API5: variants seen among roughly 807,000 people sequenced by gnomAD.
API5 encodes the protein FIF.
API5 carries 6 observed loss-of-function variants against 71.9 expected under a neutral mutation model. The observed-to-expected ratio is 0.08, with a 90% confidence interval of 0.05 to 0.16. API5 has a LOEUF of 0.16. API5 is among the 10% of genes least tolerant of loss of function. The probability of loss-of-function intolerance (pLI) is 1.00; values close to 1 mark genes in which losing one functional copy is unlikely to be tolerated. For missense variants in API5, 332 were observed against 612.8 expected (o/e 0.54, Z 4.84); for synonymous variants, 189 against 221.3 (o/e 0.85, Z 1.30).
chr11:43,342,518 A>G lies in API5; in HGVS notation c.*8A>G, dbSNP rs2134393416. The G allele has an allele frequency of 6.2e-7, 1 of 1,613,436 alleles. No homozygotes were observed. The highest frequency in any genetic ancestry group is 8.5e-7 in the Non-Finnish European group (1 of 1,179,422). ...CGGGGAAGACTCTACTGAATAAGAC[A>G]TCAGCATTCTTCAGCATTGTCATGA... is the stretch of plus-strand genomic sequence containing the variant. On this transcript the variant is annotated 3_prime_UTR_variant, in exon 14 of 14. Coordinates refer to ENST00000531273, the MANE Select transcript of API5 (RefSeq NM_001142930.2).
At chr11:43,340,109 AG>A (rs1855564021) in intron 13 of API5, 1 of 195,980 alleles carries the variant, frequency 5.1e-6, no homozygotes, top group Non-Finnish European at 1.1e-5. Context: ...ATACAAAATT[AG>A]TATACAAAAA....
At chr11:43,335,079 T>TTTG (rs1214654412) in intron 11 of API5, among the ~76,000 whole-genome samples, 199 bp from the exon 12 acceptor site, 1 of 152,150 alleles carries the variant, frequency 6.6e-6, no homozygotes, top group Non-Finnish European at 1.5e-5. Context: ...TACACTACAG[T>TTTG]TTGTTATGTG....
intron 2 of API5, 161 bp downstream of exon 2, chr11:43,318,962 G>A: frequency 5.0e-6 from 3 of 597,602 alleles, no homozygotes; most frequent in Non-Finnish European, 8.2e-6. Context: ...ATGATAAAGT[G>A]TATTAGCCTT....
intron 7 of API5, 32 bp downstream of exon 7, chr11:43,326,643 A>C: frequency 8.4e-7 from 1 of 1,183,652 alleles, no homozygotes; most frequent in Non-Finnish European, 1.2e-6. Context: ...AGCACTGATA[A>C]GGCATTCTTA....
intron 13 of API5, among the ~76,000 whole-genome samples, chr11:43,342,104 C>T (rs956493623): frequency 6.6e-6 from 1 of 152,104 alleles, no homozygotes; most frequent in Non-Finnish European, 1.5e-5. Context: ...GTGAACGCAC[C>T]ACTGCACTCC....
intron 11 of API5, among the ~76,000 whole-genome samples, chr11:43,334,431 T>C (rs1855361326): frequency 6.6e-6 from 1 of 152,166 alleles, no homozygotes; most frequent in African/African-American, 2.4e-5. Context: ...CAAAGCATGT[T>C]GCATTGGCCA....
chr11:43,328,671 T>G, intron 8 of API5, 41 bp from the exon 9 acceptor site: 9 of 1,548,890 alleles, frequency 5.8e-6, no homozygotes, highest in Non-Finnish European at 8.0e-6. Flanking sequence ...AATTTGAATA[T>G]GTAGAACAGA....
At chr11:43,320,767 T>G in intron 2 of API5, 54 bp from the exon 3 acceptor site, 3 of 1,354,790 alleles carry the variant, frequency 2.2e-6, no homozygotes, top group Non-Finnish European at 3.1e-6. Flanking sequence ...AAAAGCTGTT[T>G]GTTATTTTAA....
chr11:43,318,705 A>T lies in API5; in HGVS notation c.135A>T (p.Ala45=). The T allele has an allele frequency of 6.2e-7, 1 of 1,613,754 alleles. No homozygotes were observed. Among genetic ancestry groups the T allele is most frequent in the East Asian group, 2.2e-5 (1 of 44,866 alleles). The stretch of plus-strand genomic sequence containing the variant: ...GTGGTACTAAGGAAAAGCGATTAGC[A>T]GCTCAATTTATTCCGAAATTCTTTA... ...VKGGTKEKRL[A]AQFIPKFFKH... The change falls in exon 2 of 14, where the codon GCA becomes GCT. Residue 45 remains alanine, a synonymous_variant. Coordinates refer to ENST00000531273, the MANE Select transcript of API5 (RefSeq NM_001142930.2).
At chr11:43,328,990 T>G in intron 9 of API5, 97 bp downstream of exon 9, 1 of 1,233,790 alleles carries the variant, frequency 8.1e-7, no homozygotes, top group Non-Finnish European at 1.2e-6. Context: ...CTCCCCATCC[T>G]GCCTTACCCC....
chr11:43,330,207 TC>T, intron 10 of API5, 149 bp downstream of exon 10: 1 of 678,598 alleles, frequency 1.5e-6, no homozygotes, highest in Non-Finnish European at 2.5e-6. Context: ...TTTATTATGT[TC>T]CTATAACTTA....
At chr11:43,335,415 C>G in intron 12 of API5, 61 bp downstream of exon 12, 6 of 990,860 alleles carry the variant, frequency 6.1e-6, no homozygotes, top group South Asian at 5.6e-5. Flanking sequence ...GTTACATTTA[C>G]TGTTCAAAAG....
chr11:43,325,702 G>A (rs1855047733), intron 6 of API5, among the ~76,000 whole-genome samples: 1 of 152,140 alleles, frequency 6.6e-6, no homozygotes, highest in Non-Finnish European at 1.5e-5. Flanking sequence ...TGAAGAATGG[G>A]AACAGGAGGT....
chr11:43,325,348 G>C (rs571170548), intron 6 of API5, among the ~76,000 whole-genome samples: 5 of 152,290 alleles, frequency 3.3e-5, no homozygotes, highest in African/African-American at 1.2e-4. Flanking sequence ...AAAGTTTATG[G>C]AGACAATGTC....
At chr11:43,339,951 A>G (rs554324390) in intron 13 of API5, among the ~76,000 whole-genome samples, 1 of 152,166 alleles carries the variant, frequency 6.6e-6, no homozygotes, top group Non-Finnish European at 1.5e-5. Flanking sequence ...GAGCAGGTAG[A>G]TAAGAGAAAG....
intron 13 of API5, 147 bp downstream of exon 13, chr11:43,336,141 A>G (rs1242551947): frequency 9.4e-7 from 1 of 1,069,010 alleles, no homozygotes; most frequent in African/African-American, 1.6e-5. Flanking sequence ...CTGTTGAGGA[A>G]ATGATTTATC....
chr11:43,327,606 T>A (rs1855116009), intron 7 of API5, among the ~76,000 whole-genome samples, 183 bp from the exon 8 acceptor site: 1 of 152,216 alleles, frequency 6.6e-6, no homozygotes, highest in African/African-American at 2.4e-5. Context: ...ATCTCTGACC[T>A]TTACTTTCCT....
In API5 at chr11:43,312,039, C is replaced by A. The variant is rs936324054; in HGVS notation, c.-89C>A. ...GGCGGCAGCTGGAGGTGTAATAGTG[C>A]GGGTAGTGGGTTTGGAGAAGTTCCG... On this transcript the variant is annotated 5_prime_UTR_variant, in exon 1 of 14. Transcript: ENST00000531273. 1.4e-6 allele frequency: 2 copies of A among 1,426,206 alleles called. No individual in the cohort carries two copies. Among genetic ancestry groups the A allele is most frequent in the Non-Finnish European group, 9.7e-7 (1 of 1,027,332 alleles). The allele number at this position is 1,426,206 out of a possible 1,614,324, so 88.3% of individuals were successfully genotyped here. A position where few individuals can be genotyped will look rare whatever the true frequency, so the allele number is the denominator to read the frequency against.
At chr11:43,332,396 A>AT (rs1403642255) in intron 11 of API5, among the ~76,000 whole-genome samples, 1 of 152,108 alleles carries the variant, frequency 6.6e-6, no homozygotes, top group Non-Finnish European at 1.5e-5. Context: ...TGTTTTACCC[A>AT]TGCTTCTGAT....
Sources: gnomAD v4.1 joint callset for allele counts (sites outside exome capture counted in the v4.1 genomes callset) on GRCh38, gnomAD v4.1.1 for gene constraint, MANE v1.5 for transcripts, NCBI Gene and HGNC (gene_info 2026-07-23, HGNC 2026-07-21) for gene names.